FTO: variants seen among roughly 807,000 people sequenced by gnomAD.
FTO encodes the protein alpha-ketoglutarate-dependent dioxygenase FTO.
A neutral mutation model predicts 63.9 loss-of-function variants in FTO; 47 were observed. That is an observed-to-expected ratio of 0.74 (90% CI 0.58 to 0.94). The LOEUF is 0.94. Among genes scored for constraint, FTO ranks in the 40% least tolerant of loss-of-function variants. The probability of loss-of-function intolerance (pLI) is 0.00; values close to 1 mark genes in which losing one functional copy is unlikely to be tolerated. For synonymous variants in FTO, 207 were observed against 224.4 expected (o/e 0.92, Z 0.69); for missense variants, 562 against 618.1 (o/e 0.91, Z 0.96).
At chr16:53,829,710 A>G (rs2079095643) in intron 3 of FTO, among the ~76,000 whole-genome samples, 1 of 152,132 alleles carries the variant, frequency 6.6e-6, no homozygotes, top group Admixed American at 6.5e-5. Flanking sequence ...CAGTATGGGA[A>G]CTCCAAAGAT....
intron 1 of FTO, among the ~76,000 whole-genome samples, chr16:53,805,538 C>G (rs1331617303): frequency 6.6e-6 from 1 of 151,512 alleles, no homozygotes; most frequent in Non-Finnish European, 1.5e-5. Flanking sequence ...ACCTCTGCCT[C>G]CCAGGCTCAA....
intron 8 of FTO, among the ~76,000 whole-genome samples, chr16:53,964,365 C>T (rs930263119): frequency 6.6e-6 from 1 of 152,140 alleles, no homozygotes; most frequent in African/African-American, 2.4e-5. Context: ...ATTTGACTGT[C>T]AGGCCATAGT....
At chr16:53,913,928 G>C (rs556372342) in intron 7 of FTO, among the ~76,000 whole-genome samples, 1 of 150,630 alleles carries the variant, frequency 6.6e-6, no homozygotes, top group Non-Finnish European at 1.5e-5. Flanking sequence ...GCTGTGAGCC[G>C]AGACCACACC....
intron 4 of FTO, among the ~76,000 whole-genome samples, chr16:53,854,226 A>T (rs1320088295): frequency 2.0e-5 from 3 of 151,892 alleles, no homozygotes; most frequent in African/African-American, 7.3e-5. Context: ...TGTCAGATGC[A>T]TAGCTTGCAA....
intron 1 of FTO, among the ~76,000 whole-genome samples, chr16:53,797,956 A>T (rs2078118971): frequency 6.6e-6 from 1 of 151,986 alleles, no homozygotes; most frequent in African/African-American, 2.4e-5. Context: ...GTTTTATATT[A>T]GGTTTTATAT....
intron 7 of FTO, among the ~76,000 whole-genome samples, chr16:53,932,617 T>G (rs1200032058): frequency 6.6e-6 from 1 of 152,096 alleles, no homozygotes; most frequent in East Asian, 1.9e-4. Context: ...TTCGAACTCC[T>G]GACCTCAAGC....
At chr16:53,961,804 T>C (rs1425614732) in intron 8 of FTO, among the ~76,000 whole-genome samples, 5 of 152,228 alleles carry the variant, frequency 3.3e-5, no homozygotes, top group Non-Finnish European at 5.9e-5. Flanking sequence ...GTCTGGCTGA[T>C]TCAGTGACAG....
intron 7 of FTO, among the ~76,000 whole-genome samples, chr16:53,890,452 T>C (rs1863792956): frequency 1.3e-5 from 2 of 152,150 alleles, no homozygotes; most frequent in African/African-American, 4.8e-5. Flanking sequence ...TAACATAGGA[T>C]CTACCCTAAT....
chr16:53,910,773 G>A (rs926637628), intron 7 of FTO, among the ~76,000 whole-genome samples: 1 of 152,072 alleles, frequency 6.6e-6, no homozygotes, highest in East Asian at 1.9e-4. Flanking sequence ...TGACCTCAGG[G>A]GATCCGCCTG....
At chr16:54,106,573 TTTA>T (rs2086756704) in intron 8 of FTO, among the ~76,000 whole-genome samples, 1 of 140,004 alleles carries the variant, frequency 7.1e-6, no homozygotes, top group Non-Finnish European at 1.5e-5. Flanking sequence ...ATTCTATATA[TTTA>T]TTATATAATT....
intron 8 of FTO, among the ~76,000 whole-genome samples, chr16:54,004,789 G>A (rs1245234619): frequency 1.3e-5 from 2 of 152,108 alleles, no homozygotes; most frequent in African/African-American, 4.8e-5. Context: ...TCATTGGAGT[G>A]GCCGGGCACA....
At chr16:53,917,958 C>T (rs185136507) in intron 7 of FTO, among the ~76,000 whole-genome samples, 207 of 152,138 alleles carry the variant, frequency 1.4e-3, no homozygotes, top group Non-Finnish European at 2.2e-3. Context: ...AAGTTTTAAT[C>T]GTTACAATGT....
intron 4 of FTO, among the ~76,000 whole-genome samples, chr16:53,863,359 AG>A (rs566455556): frequency 6.6e-6 from 1 of 152,158 alleles, no homozygotes; most frequent in South Asian, 2.1e-4. Context: ...CAAGTAGCTG[AG>A]ATTGGTTCTG....
At chr16:53,731,748 C>CTTT (rs1288180518) in intron 1 of FTO, among the ~76,000 whole-genome samples, 1 of 127,400 alleles carries the variant, frequency 7.8e-6, no homozygotes, top group Non-Finnish European at 1.7e-5. Context: ...AATGTTTGTA[C>CTTT]TTTTTTTTTT....
chr16:54,021,751 G>A (rs1442890994), intron 8 of FTO, among the ~76,000 whole-genome samples: 1 of 152,262 alleles, frequency 6.6e-6, no homozygotes, highest in South Asian at 2.1e-4. Flanking sequence ...GCCTCCCAAA[G>A]TGCCAAGATT....
intron 6 of FTO, among the ~76,000 whole-genome samples, chr16:53,886,695 T>G (rs72807785): frequency 6.6e-6 from 1 of 152,220 alleles, no homozygotes; most frequent in South Asian, 2.1e-4. Context: ...ATTTAGTTAA[T>G]GTAAACTAAA....
intron 7 of FTO, among the ~76,000 whole-genome samples, chr16:53,924,092 G>T (rs966503798): frequency 1.1e-4 from 16 of 152,114 alleles, no homozygotes; most frequent in African/African-American, 3.6e-4. Flanking sequence ...TTTCTTCTGT[G>T]ATATTTCCCC....
At chr16:53,839,774 TTTTTA>T (rs2079411166) in intron 3 of FTO, among the ~76,000 whole-genome samples, 1 of 21,868 alleles carries the variant, frequency 4.6e-5, no homozygotes, top group Admixed American at 5.5e-4. Context: ...GTTTTCTTTT[TTTTTA>T]TTTATTTATT....
chr16:53,984,964 G>T, intron 8 of FTO: 1 of 456,386 alleles, frequency 2.2e-6, no homozygotes. Context: ...GGTAAGTAGA[G>T]AAATTACATT....
Sources: allele counts gnomAD v4.1 joint callset (sites outside exome capture counted in the v4.1 genomes callset), GRCh38; gene constraint gnomAD v4.1.1; transcripts MANE v1.5; gene names NCBI Gene and HGNC (gene_info 2026-07-23, HGNC 2026-07-21).